PPM1L: variants seen among roughly 807,000 people sequenced by gnomAD.
PPM1L encodes protein phosphatase, Mg2+/Mn2+ dependent 1L, also known as protein phosphatase 1L.
Under a neutral mutation model 31.4 loss-of-function variants are expected in PPM1L, and 13 were observed. The observed-to-expected ratio is 0.41, with a 90% confidence interval of 0.27 to 0.66. The LOEUF is 0.66. Among genes scored for constraint, PPM1L ranks in the 30% least tolerant of loss-of-function variants. The pLI is 0.29. For synonymous variants in PPM1L, 184 were observed against 175.4 expected (o/e 1.05, Z -0.39); for missense variants, 326 against 453.7 (o/e 0.72, Z 2.56).
chr3:160,886,390 C>A (rs1293819370), intron 1 of PPM1L, among the ~76,000 whole-genome samples: 4 of 152,228 alleles, frequency 2.6e-5, no homozygotes, highest in Non-Finnish European at 4.4e-5. Flanking sequence ...CCCTGTACCA[C>A]CTAAATGGGT....
chr3:161,066,784 C>G (rs1409455490), intron 3 of PPM1L, among the ~76,000 whole-genome samples: 1 of 152,176 alleles, frequency 6.6e-6, no homozygotes, highest in Non-Finnish European at 1.5e-5. Flanking sequence ...CTCTCGATCT[C>G]TACAGGTCAG....
chr3:160,847,230 G>T (rs886358595), intron 1 of PPM1L, among the ~76,000 whole-genome samples: 3 of 152,036 alleles, frequency 2.0e-5, no homozygotes, highest in Admixed American at 6.6e-5. Flanking sequence ...CTTATTCAAG[G>T]TCACATATAT....
At chr3:160,999,527 T>C (rs1717418463) in intron 2 of PPM1L, among the ~76,000 whole-genome samples, 3 of 152,258 alleles carry the variant, frequency 2.0e-5, no homozygotes, top group Admixed American at 2.0e-4. Flanking sequence ...CAGTGTTTTC[T>C]TTCCAGCATT....
At chr3:161,009,303 G>C (rs1412920664) in intron 2 of PPM1L, among the ~76,000 whole-genome samples, 1 of 152,044 alleles carries the variant, frequency 6.6e-6, no homozygotes, top group Non-Finnish European at 1.5e-5. Context: ...CCCTATAGAT[G>C]CTTTAAATGT....
chr3:160,786,018 T>C (rs1471317279), intron 1 of PPM1L, among the ~76,000 whole-genome samples: 1 of 150,840 alleles, frequency 6.6e-6, no homozygotes, highest in African/African-American at 2.4e-5. Context: ...GACCAATTTA[T>C]ACTTCCATTA....
chr3:160,874,387 G>A (rs1241447354), intron 1 of PPM1L, among the ~76,000 whole-genome samples: 3 of 152,104 alleles, frequency 2.0e-5, no homozygotes, highest in Admixed American at 1.3e-4. Flanking sequence ...CTTGATTCTA[G>A]CTCACTTCCA....
intron 2 of PPM1L, among the ~76,000 whole-genome samples, chr3:160,972,956 A>G (rs888076627): frequency 1.2e-4 from 18 of 152,154 alleles, no homozygotes; most frequent in African/African-American, 4.1e-4. Context: ...GCCAGTGATG[A>G]TGAGCATTTT....
In PPM1L at chr3:160,848,314, A is replaced by G. The variant is rs1714145522; in HGVS notation, c.399+91607A>G. On this transcript the variant is annotated intron_variant, in intron 1 of 3. Coordinates refer to ENST00000498165, the MANE Select transcript of PPM1L (RefSeq NM_139245.4). The stretch of plus-strand genomic sequence containing the variant: ...CATCCCAGTAAGACTTCTAGCACCC[A>G]TCAGTGTACTGAAACTGCTCTTGCT... Among the ~76,000 whole-genome samples, 4 of 152,200 alleles carry G rather than the reference A, an allele frequency of 2.6e-5. No homozygotes were observed. The South Asian group carries it at 8.3e-4, about 32-fold the overall frequency.
chr3:160,911,646 G>T (rs1430727308), intron 1 of PPM1L, among the ~76,000 whole-genome samples: 1 of 152,170 alleles, frequency 6.6e-6, no homozygotes, highest in Non-Finnish European at 1.5e-5. Flanking sequence ...ACCCCAGGGG[G>T]AGAGAAAGAG....
chr3:160,782,239 A>G lies in PPM1L; in HGVS notation c.399+25532A>G, dbSNP rs374025910. Among the ~76,000 whole-genome samples the G allele has an allele frequency of 1.1e-3, 162 of 152,122 alleles. 2 individuals carry two copies. Among genetic ancestry groups the G allele is most frequent in the African/African-American group, 2.8e-3 (115 of 41,506 alleles). ...AGGAGCCTGTCTTCCGCAGAGTGTCATGACAGTTGTTTGACCTTTCGCGTA... is the reference window on the plus strand; with the variant it reads ...AGGAGCCTGTCTTCCGCAGAGTGTCGTGACAGTTGTTTGACCTTTCGCGTA... On this transcript the variant is annotated intron_variant, in intron 1 of 3. Coordinates refer to ENST00000498165, the MANE Select transcript of PPM1L (RefSeq NM_139245.4).
Position 161,068,887 on chromosome 3 carries a change from GC to G in PPM1L, c.814del (p.Leu272Ter), listed in dbSNP as rs776946985. On this transcript the variant is annotated frameshift_variant, in exon 4 of 4. Transcript: ENST00000498165. LOFTEE classifies it high-confidence loss of function. Reference sequence around the variant, plus strand: ...TGTCTCGGTCCCTGGGGGATTATCCGCTGAAAAATCTCAACGTGGTCATCCC... The same window carrying G: ...TGTCTCGGTCCCTGGGGGATTATCCGTGAAAAATCTCAACGTGGTCATCCC... ...AMSRSLGDYP[L>X]KNLNVVIPDP... The G allele has an allele frequency of 1.9e-6, 3 of 1,614,090 alleles. No homozygotes were observed. Among genetic ancestry groups the G allele is most frequent in the Non-Finnish European group, 1.7e-6 (2 of 1,180,018 alleles).
intron 2 of PPM1L, among the ~76,000 whole-genome samples, chr3:161,029,995 C>G (rs1323230664): frequency 6.6e-6 from 1 of 152,186 alleles, no homozygotes; most frequent in South Asian, 2.1e-4. Context: ...CCCATGGAAA[C>G]TTGGGAAACT....
intron 1 of PPM1L, among the ~76,000 whole-genome samples, chr3:160,759,534 C>T (rs1482702955): frequency 6.6e-6 from 1 of 152,066 alleles, no homozygotes; most frequent in Non-Finnish European, 1.5e-5. Context: ...AACCACTGGA[C>T]AAATTGGCTT....
intron 1 of PPM1L, among the ~76,000 whole-genome samples, chr3:160,946,216 C>T (rs982509072): frequency 1.3e-5 from 2 of 152,096 alleles, no homozygotes; most frequent in Non-Finnish European, 2.9e-5. Context: ...TAAAACTTGC[C>T]TACATAAAAT....
chr3:160,792,343 A>C (rs1422692692), intron 1 of PPM1L, among the ~76,000 whole-genome samples: 1 of 152,222 alleles, frequency 6.6e-6, no homozygotes, highest in African/African-American at 2.4e-5. Flanking sequence ...TTAGTACCAA[A>C]GATCACTTAT....
At chr3:160,888,447 A>G (rs1050969056) in intron 1 of PPM1L, among the ~76,000 whole-genome samples, 7 of 152,238 alleles carry the variant, frequency 4.6e-5, no homozygotes, top group African/African-American at 1.7e-4. Context: ...GCATTACATA[A>G]TGGTAAAGGA....
intron 1 of PPM1L, among the ~76,000 whole-genome samples, chr3:160,949,331 T>A (rs1715504526): frequency 6.6e-6 from 1 of 152,208 alleles, no homozygotes; most frequent in Non-Finnish European, 1.5e-5. Context: ...TCAGAGATTT[T>A]TTAGTCGGGT....
rs367959609 is a variant in PPM1L at position 160,979,488 on chromosome 3, T to G, written c.574+17578T>G. 1.5e-4 allele frequency among the ~76,000 whole-genome samples: 23 copies of G among 152,082 alleles called. No homozygotes were observed. The East Asian group carries it at 1.9e-3, about 13-fold the overall frequency. ...CACAGACATGGGAGAACATACAAAT[T>G]CCTCATGGACAGTGGCCCCAGCCAG... On this transcript the variant is annotated intron_variant, in intron 2 of 3. Coordinates refer to ENST00000498165, the MANE Select transcript of PPM1L (RefSeq NM_139245.4).
intron 1 of PPM1L, among the ~76,000 whole-genome samples, chr3:160,773,220 G>C (rs114456460): frequency 0.017 from 2,520 of 152,234 alleles, 66 homozygotes; most frequent in African/African-American, 0.057. Flanking sequence ...TCTCAATGTA[G>C]TTTTAGTTTG....
Sources: gnomAD v4.1 joint callset for allele counts (sites outside exome capture counted in the v4.1 genomes callset) on GRCh38, gnomAD v4.1.1 for gene constraint, MANE v1.5 for transcripts, NCBI Gene and HGNC (gene_info 2026-07-23, HGNC 2026-07-21) for gene names.